EYS: variants seen among roughly 807,000 people sequenced by gnomAD.
The protein encoded by EYS is EGF-like photoreceptor maintenance factor.
In EYS, 250 loss-of-function variants were observed where a neutral mutation model predicts 282.1. That is an observed-to-expected ratio of 0.89 (90% CI 0.80 to 0.98). The LOEUF (loss-of-function observed/expected upper bound fraction) is 0.98. EYS is among the 50% of genes least tolerant of loss of function. EYS has a pLI of 0.00. For missense variants in EYS, 4,016 were observed against 3,709.0 expected (o/e 1.08, Z -2.15); for synonymous variants, 1,355 against 1,282.9 (o/e 1.06, Z -1.20).
intron 12 of EYS, among the ~76,000 whole-genome samples, chr6:65,064,485 TATATATA>T (rs918323138): frequency 2.7e-5 from 4 of 146,608 alleles, no homozygotes; most frequent in Admixed American, 6.9e-5. Flanking sequence ...TGATATATAG[TATATATA>T]ATATATAATA....
chr6:64,884,790 A>G (rs1767036239), intron 19 of EYS, among the ~76,000 whole-genome samples: 1 of 151,626 alleles, frequency 6.6e-6, no homozygotes, highest in Non-Finnish European at 1.5e-5. Flanking sequence ...ACTGTAACAC[A>G]TATTTCATAA....
At chr6:64,242,198 A>T (rs1425558833) in intron 30 of EYS, among the ~76,000 whole-genome samples, 2 of 151,940 alleles carry the variant, frequency 1.3e-5, no homozygotes, top group African/African-American at 4.8e-5. Context: ...TCCACAGCTG[A>T]GTTCAAGTCC....
intron 18 of EYS, among the ~76,000 whole-genome samples, chr6:64,888,034 AG>A (rs1218871141): frequency 2.6e-5 from 4 of 152,102 alleles, no homozygotes; most frequent in Non-Finnish European, 4.4e-5. Flanking sequence ...TACAAATAAC[AG>A]GACTTCATTC....
intron 11 of EYS, among the ~76,000 whole-genome samples, chr6:65,328,988 C>T (rs548040883): frequency 6.6e-6 from 1 of 151,040 alleles, no homozygotes; most frequent in South Asian, 2.1e-4. Flanking sequence ...AACTCCAAGT[C>T]TTAGAAAATA....
intron 2 of EYS, among the ~76,000 whole-genome samples, chr6:65,618,198 A>G (rs1352819863): frequency 6.6e-6 from 1 of 152,196 alleles, no homozygotes; most frequent in African/African-American, 2.4e-5. Context: ...ATTTCTCCAT[A>G]TCCTCTCCAG....
intron 26 of EYS, among the ~76,000 whole-genome samples, chr6:64,563,897 T>C (rs1323810945): frequency 6.6e-6 from 1 of 152,002 alleles, no homozygotes; most frequent in African/African-American, 2.4e-5. Context: ...TACCAGTTTT[T>C]ATTTTTAAAA....
chr6:64,025,360 C>A (rs1769443953), intron 33 of EYS, among the ~76,000 whole-genome samples: 1 of 152,156 alleles, frequency 6.6e-6, no homozygotes, highest in African/African-American at 2.4e-5. Context: ...GACCCTGCAG[C>A]CATGAGCGGA....
intron 12 of EYS, among the ~76,000 whole-genome samples, chr6:65,157,720 G>A (rs1012829304): frequency 6.6e-6 from 1 of 150,538 alleles, no homozygotes; most frequent in Non-Finnish European, 1.5e-5. Flanking sequence ...ATATCTGAAA[G>A]TTTTCTTTAA....
chr6:64,708,623 A>T (rs562852768), intron 22 of EYS, among the ~76,000 whole-genome samples: 1 of 151,392 alleles, frequency 6.6e-6, no homozygotes, highest in East Asian at 1.9e-4. Context: ...GCTATTTGGG[A>T]AAAAAAAAGT....
chr6:65,417,141 T>C (rs2150374253), intron 5 of EYS, among the ~76,000 whole-genome samples: 1 of 151,956 alleles, frequency 6.6e-6, no homozygotes, highest in African/African-American at 2.4e-5. Context: ...TGTAGTAGTA[T>C]TCATTGTAGT....
intron 31 of EYS, among the ~76,000 whole-genome samples, chr6:64,167,307 G>A (rs778021075): frequency 6.6e-6 from 1 of 152,058 alleles, no homozygotes; most frequent in Non-Finnish European, 1.5e-5. Context: ...TTTGAGTCTC[G>A]AGCTATCTTA....
chr6:64,709,097 T>C (rs1771124293), intron 22 of EYS, among the ~76,000 whole-genome samples: 1 of 152,198 alleles, frequency 6.6e-6, no homozygotes, highest in Non-Finnish European at 1.5e-5. Context: ...GAAAATATAA[T>C]ATGTTTTTAA....
intron 22 of EYS, among the ~76,000 whole-genome samples, chr6:64,726,883 A>G (rs1437680910): frequency 1.3e-5 from 2 of 152,214 alleles, no homozygotes; most frequent in African/African-American, 4.8e-5. Context: ...CTTACAAATG[A>G]AACATTTCAT....
intron 1 of EYS, among the ~76,000 whole-genome samples, chr6:65,703,718 A>T (rs2149854487): frequency 6.6e-6 from 1 of 152,260 alleles, no homozygotes; most frequent in South Asian, 2.1e-4. Flanking sequence ...AAGAAATCTG[A>T]TATTTTGAAC....
chr6:63,947,175 T>C (rs1765424230), intron 35 of EYS, among the ~76,000 whole-genome samples: 1 of 152,054 alleles, frequency 6.6e-6, no homozygotes, highest in Admixed American at 6.5e-5. Context: ...CATTTGTATA[T>C]TTTGGTAGCT....
intron 12 of EYS, among the ~76,000 whole-genome samples, chr6:65,226,166 A>G (rs1766620811): frequency 6.6e-6 from 1 of 152,134 alleles, no homozygotes; most frequent in Non-Finnish European, 1.5e-5. Flanking sequence ...CAAATTCAAC[A>G]TGGTTGTAGA....
intron 2 of EYS, among the ~76,000 whole-genome samples, chr6:65,585,642 A>T (rs1322672942): frequency 1.3e-5 from 2 of 151,994 alleles, no homozygotes; most frequent in Non-Finnish European, 2.9e-5. Flanking sequence ...CTTTGTCATA[A>T]TGAGAAGACA....
intron 12 of EYS, among the ~76,000 whole-genome samples, chr6:65,181,361 GA>G (rs1196371376): frequency 1.3e-5 from 2 of 151,806 alleles, no homozygotes; most frequent in African/African-American, 4.8e-5. Context: ...AAATTTACAA[GA>G]AAAAAACAAA....
intron 22 of EYS, among the ~76,000 whole-genome samples, chr6:64,686,793 G>A (rs28878288): frequency 0.047 from 1,031 of 21,754 alleles, 8 homozygotes; most frequent in Middle Eastern, 0.1. Context: ...ATATATGTGT[G>A]TATATATATA....
Sources: gnomAD v4.1 joint callset for allele counts (sites outside exome capture counted in the v4.1 genomes callset) on GRCh38, gnomAD v4.1.1 for gene constraint, MANE v1.5 for transcripts, NCBI Gene and HGNC (gene_info 2026-07-23, HGNC 2026-07-21) for gene names.